PKN3: variants seen among roughly 807,000 people sequenced by gnomAD.
PKN3 encodes the protein serine/threonine-protein kinase N3.
PKN3 carries 91 observed loss-of-function variants against 113.1 expected under a neutral mutation model. The observed-to-expected ratio is 0.80, with a 90% CI of 0.68 to 0.96. PKN3 has a LOEUF of 0.96. Among genes scored for constraint, PKN3 ranks in the 40% least tolerant of loss-of-function variants. The probability of loss-of-function intolerance (pLI) is 0.00; values close to 1 mark genes in which losing one functional copy is unlikely to be tolerated. For missense variants in PKN3, 1,052 were observed against 1,202.2 expected, an observed-to-expected ratio of 0.88 and a Z score of 1.85; for synonymous variants, 467 against 499.0, an observed-to-expected ratio of 0.94 and a Z score of 0.85.
chr9:128,710,525 A>G (rs1177095095), intron 6 of PKN3, among the ~76,000 whole-genome samples: 1 of 151,564 alleles, frequency 6.6e-6, no homozygotes, highest in Non-Finnish European at 1.5e-5. Context: ...GGAGTCTCGC[A>G]CTGTCGCCCA....
At chr9:128,712,948 A>G in intron 6 of PKN3, 104 bp from the exon 7 acceptor site, 1 of 1,276,728 alleles carries the variant, frequency 7.8e-7, no homozygotes, top group Non-Finnish European at 1.1e-6. Context: ...GTCTGGGTTC[A>G]GCCACCTCCT....
rs1431347981 is a variant in PKN3 at position 128,705,314 on chromosome 9, C to T, written c.36C>T (p.Ser12=). The change falls in exon 2 of 22, where the codon AGC becomes AGT. Residue 12 remains serine, a synonymous_variant. Transcript: ENST00000291906. ...EEGAPRQPGP[S]QWPPEDEKEV... Reference sequence around the variant, plus strand: ...CACCGGCTCTGCAGCCTGGGCCGAGCCAGTGGCCCCCAGAGGATGAGAAGG... The same window carrying T: ...CACCGGCTCTGCAGCCTGGGCCGAGTCAGTGGCCCCCAGAGGATGAGAAGG... 1 of 1,556,004 alleles carries T rather than the reference C, an allele frequency of 6.4e-7. No individual in the cohort carries two copies.
intron 15 of PKN3, among the ~76,000 whole-genome samples, chr9:128,716,366 A>G (rs929806606): frequency 6.6e-6 from 1 of 151,150 alleles, no homozygotes; most frequent in Non-Finnish European, 1.5e-5. Context: ...GGAAGGCCGA[A>G]GCAGGTGGAT....
At position 128,720,285 on chromosome 9, in the gene PKN3, T is replaced by G; in HGVS notation, c.2457+2T>G. ...ATCAAGGTCCAGCCATTCTTCAGGG[T>G]GAGCGGCTGGGGTGGCGGTGGTCCC... is the stretch of plus-strand genomic sequence containing the variant. On this transcript the variant is annotated splice_donor_variant, in intron 21 of 21. Coordinates refer to ENST00000291906, the MANE Select transcript of PKN3 (RefSeq NM_013355.5). LOFTEE classifies it high-confidence loss of function. The surrounding 1 kb of genome is among the most constrained non-coding windows in gnomAD (Gnocchi z 5.5). 9 of 1,613,730 alleles carry G rather than the reference T, an allele frequency of 5.6e-6. No homozygotes were observed. The highest frequency in any genetic ancestry group is 6.8e-6 in the Non-Finnish European group (8 of 1,179,874).
At chr9:128,705,253 G>C in intron 1 of PKN3, 50 bp from the exon 2 acceptor site, 1 of 1,545,046 alleles carries the variant, frequency 6.5e-7, no homozygotes. Flanking sequence ...GCTGGTGGCC[G>C]CTGCACCCCA....
rs534131407 is a variant in PKN3 at position 128,705,522 on chromosome 9, G to A, written c.244G>A (p.Gly82Ser). The A allele has an allele frequency of 1.9e-4, 289 of 1,556,688 alleles. 1 individual carries two copies. The highest frequency in any genetic ancestry group is 1.3e-3 in the South Asian group (110 of 84,592). ...GCTGCACGCCCGAATCCTGCTGCCC[G>A]GCCCTGGGCCTGGCCCAGCTGGTGA... ...RELHARILLP[G>S]PGPGPAEPVA... The change falls in exon 2 of 22, where the codon GGC (glycine) becomes AGC (serine). Residue 82 changes from glycine (G) to serine (S), a missense_variant. Gly to Ser is a moderately conservative substitution (Grantham distance 56). Coordinates refer to ENST00000291906, the MANE Select transcript of PKN3 (RefSeq NM_013355.5).
chr9:128,705,461 C>T lies in PKN3; in HGVS notation c.183C>T (p.Asn61=). 1 of 1,572,696 alleles carries T rather than the reference C, an allele frequency of 6.4e-7. No homozygotes were observed. Residue 61 remains asparagine (N), a synonymous_variant, in exon 2 of 22, where the codon AAC becomes AAT. Coordinates refer to ENST00000291906, the MANE Select transcript of PKN3 (RefSeq NM_013355.5). The stretch of plus-strand genomic sequence containing the variant: ...TGCAGCAGCTGCTGCGGTCCTCCAA[C>T]CGCCGCCTGGAGCAGCTGCATGGCG... ...GHVQQLLRSS[N]RRLEQLHGEL... is the part of the protein sequence containing the mutation.
At chr9:128,708,858 A>G (rs1370760746) in intron 6 of PKN3, among the ~76,000 whole-genome samples, 1 of 151,542 alleles carries the variant, frequency 6.6e-6, no homozygotes, top group Admixed American at 6.6e-5. Flanking sequence ...AAAAAAAAAG[A>G]AAGAGTTTTC....
intron 1 of PKN3, among the ~76,000 whole-genome samples, chr9:128,704,917 A>C (rs75267597): frequency 2.1e-5 from 3 of 142,158 alleles, no homozygotes; most frequent in Non-Finnish European, 3.1e-5. Context: ...AAACTGTCTC[A>C]AAAAAAAAAA....
At chr9:128,705,259 C>G (rs954844399) in intron 1 of PKN3, 44 bp from the exon 2 acceptor site, 3 of 1,547,392 alleles carry the variant, frequency 1.9e-6, no homozygotes, top group Non-Finnish European at 1.7e-6. Context: ...GGCCGCTGCA[C>G]CCCATGGCTG....
chr9:128,715,431 G>A lies in PKN3; in HGVS notation c.1779G>A (p.Gln593=). ...ACGCCATCAAAGCACTGAAGAAGCA[G>A]GAGGTGCTCAGCCGGGACGAGATAG... The part of the protein sequence containing the change: ...KYYAIKALKK[Q]EVLSRDEIES... Residue 593 remains glutamine, a synonymous_variant, in exon 15 of 22, where the codon CAG becomes CAA. Transcript: ENST00000291906. The surrounding 1 kb of genome is among the most constrained non-coding windows in gnomAD (Gnocchi z 4.1). 6.2e-7 allele frequency: 1 copy of A among 1,613,994 alleles called. No individual in the cohort carries two copies. The highest frequency in any genetic ancestry group is 1.3e-5 in the African/African-American group (1 of 75,066).
In PKN3 at chr9:128,702,894, C is replaced by T. The variant is rs1303765944; in HGVS notation, c.-22C>T. 4.7e-6 allele frequency: 7 copies of T among 1,480,854 alleles called. No homozygotes were observed. The highest frequency in any genetic ancestry group is 6.3e-6 in the Non-Finnish European group (7 of 1,115,776). The allele number at this position is 1,480,854 out of a possible 1,614,324, so 91.7% of individuals were successfully genotyped here. On this transcript the variant is annotated 5_prime_UTR_variant, in exon 1 of 22. Transcript: ENST00000291906. ...GGACCGGAGTGGCTGAGAGAAGGGC[C>T]CCAAGCGGCCGGAGCGGCGCCATGG...
chr9:128,714,784 C>T lies in PKN3; in HGVS notation c.1585-14C>T. ...GGAAGCCCAGCCCTGCCCTGAGCTC[C>T]TCTATACTCACAGCGCACCAAACGT... On this transcript the variant is annotated splice_polypyrimidine_tract_variant and intron_variant, in intron 12 of 21. Transcript: ENST00000291906. 5 of 1,613,072 alleles carry T rather than the reference C, an allele frequency of 3.1e-6. No homozygotes were observed. The highest frequency in any genetic ancestry group is 1.1e-5 in the South Asian group (1 of 91,060).
rs1862040593 is a variant in PKN3, at chr9:128,707,010, A to G, written c.638A>G (p.Lys213Arg). 1 of 1,614,230 alleles carries G rather than the reference A, an allele frequency of 6.2e-7. No individual in the cohort carries two copies. Among genetic ancestry groups the G allele is most frequent in the Non-Finnish European group, 8.5e-7 (1 of 1,180,032 alleles). Residue 213 changes from lysine to arginine, a missense_variant, in exon 5 of 22, where the codon AAG (lysine) becomes AGG (arginine). Coordinates refer to ENST00000291906, the MANE Select transcript of PKN3 (RefSeq NM_013355.5). Reference protein sequence around the residue: ...LLSSRRTQDRKALAEAQAQLQ... With the variant: ...LLSSRRTQDRRALAEAQAQLQ... ...AGTAGCCGGAGAACACAGGACCGCA[A>G]GGCACTGGCTGAGGTCAGGCCCCAG...
chr9:128,712,060 C>T (rs1407785805), intron 6 of PKN3, among the ~76,000 whole-genome samples: 1 of 152,208 alleles, frequency 6.6e-6, no homozygotes, highest in African/African-American at 2.4e-5. Context: ...CAGGTGCCCA[C>T]CATCATGCCC....
Position 128,720,084 on chromosome 9 carries a change from G to GTCTGCTGTCCC in PKN3, c.2376+67_2376+68insTCTGCTGTCCC. 1 of 1,538,296 alleles carries GTCTGCTGTCCC rather than the reference G, an allele frequency of 6.5e-7. No individual in the cohort carries two copies. Among genetic ancestry groups the GTCTGCTGTCCC allele is most frequent in the Non-Finnish European group, 9.0e-7 (1 of 1,112,426 alleles). On this transcript the variant is annotated intron_variant, in intron 20 of 21. Coordinates refer to ENST00000291906, the MANE Select transcript of PKN3 (RefSeq NM_013355.5). This position sits in a 1 kb window ranked among gnomAD's most constrained non-coding sequence, Gnocchi z 5.5. ...AAGGCCCATGTGCCCTCTGCCGTGG[G>GTCTGCTGTCCC]ACAGCAGACCCCCTGCCACCCATCC...
In PKN3 at chr9:128,706,757, C is replaced by T. The variant is rs1415275427; in HGVS notation, c.456C>T (p.Ser152=). 1.2e-6 allele frequency: 2 copies of T among 1,606,372 alleles called. No homozygotes were observed. Among genetic ancestry groups the T allele is most frequent in the Non-Finnish European group, 1.7e-6 (2 of 1,176,542 alleles). ...CTGCCCAGCAGATGCTGCGGGACAG[C>T]CAGCTGAAGGTGGCCCTGCTGCGGA... ...LAAAQQMLRD[S]QLKVALLRMK... The change falls in exon 4 of 22, where the codon AGC becomes AGT. Residue 152 remains serine, a synonymous_variant. Transcript: ENST00000291906.
Position 128,720,875 on chromosome 9 carries a change from T to G in PKN3, c.*269T>G. The G allele has an allele frequency of 1.7e-6, 1 of 579,990 alleles. No homozygotes were observed. Among genetic ancestry groups the G allele is most frequent in the Non-Finnish European group, 3.0e-6 (1 of 328,160 alleles). The allele number at this position is 579,990 out of a possible 1,614,324, so 35.9% of individuals were successfully genotyped here. ...GCAGCAAGGAGTGATATGGTTTGTC[T>G]TTTTAAGACTGGACTTGCTTTATAT... On this transcript the variant is annotated 3_prime_UTR_variant, in exon 22 of 22. Coordinates refer to ENST00000291906, the MANE Select transcript of PKN3 (RefSeq NM_013355.5). This position sits in a 1 kb window ranked among gnomAD's most constrained non-coding sequence, Gnocchi z 5.5.
chr9:128,715,126 C>A lies in PKN3; in HGVS notation c.1653-46C>A. 6.3e-7 allele frequency: 1 copy of A among 1,589,260 alleles called. No individual in the cohort carries two copies. Among genetic ancestry groups the A allele is most frequent in the Non-Finnish European group, 8.6e-7 (1 of 1,158,058 alleles). On this transcript the variant is annotated intron_variant, in intron 13 of 21. Coordinates refer to ENST00000291906, the MANE Select transcript of PKN3 (RefSeq NM_013355.5). The surrounding 1 kb of genome is among the most constrained non-coding windows in gnomAD (Gnocchi z 4.1). ...CTTGGAGTGGCTCTGGGTAGGGGCC[C>A]AGCCAGTGCCCTAGGGGACTTCATA... is the stretch of plus-strand genomic sequence containing the variant.
Sources: gnomAD v4.1 joint callset for allele counts (sites outside exome capture counted in the v4.1 genomes callset) on GRCh38, gnomAD v4.1.1 for gene constraint, Gnocchi (gnomAD v3.1) non-coding constraint, MANE v1.5 for transcripts, NCBI Gene and HGNC (gene_info 2026-07-23, HGNC 2026-07-21) for gene names.